The following CWF19L2 variants were observed in gnomAD, a reference collection of about 807,000 sequenced individuals.
CWF19L2 encodes the protein CWF19 like cell cycle control factor 2, also known as CWF19-like protein 2.
CWF19L2 carries 98 observed loss-of-function variants against 111.7 expected under a neutral mutation model. That is an observed-to-expected ratio of 0.88 (90% CI 0.75 to 1.04). The LOEUF (loss-of-function observed/expected upper bound fraction) is 1.04, where lower values mean the gene tolerates loss of function less well. CWF19L2 is among the 50% of genes least tolerant of loss of function. The pLI, the probability that CWF19L2 is intolerant of heterozygous loss-of-function variation, is 0.00. For missense variants in CWF19L2, 1,101 were observed against 1,051.4 expected, an observed-to-expected ratio of 1.05 and a Z score of -0.65; for synonymous variants, 351 against 342.9, an observed-to-expected ratio of 1.02 and a Z score of -0.26.
intron 12 of CWF19L2, among the ~76,000 whole-genome samples, chr11:107,357,860 G>C (rs999998690): frequency 6.6e-6 from 1 of 152,212 alleles, no homozygotes; most frequent in Admixed American, 6.5e-5. Context: ...GTAAAAGATA[G>C]TGGAGAATGT....
intron 10 of CWF19L2, 45 bp downstream of exon 10, chr11:107,416,164 T>C: frequency 2.1e-6 from 1 of 475,514 alleles, no homozygotes; most frequent in Non-Finnish European, 3.3e-6. Context: ...TGCCCGGTGG[T>C]AGTTTACACA....
chr11:107,454,915 A>C (rs1377166543), intron 2 of CWF19L2, among the ~76,000 whole-genome samples: 1 of 152,164 alleles, frequency 6.6e-6, no homozygotes, highest in Non-Finnish European at 1.5e-5. Flanking sequence ...ACACATACAT[A>C]TAATATCCCT....
intron 12 of CWF19L2, among the ~76,000 whole-genome samples, chr11:107,360,600 C>T (rs58902159): frequency 0.011 from 1,639 of 152,328 alleles, 29 homozygotes; most frequent in African/African-American, 0.038. Flanking sequence ...ACATTCCCCA[C>T]AACAGTGCAT....
At chr11:107,442,425 T>C (rs1419986276) in intron 4 of CWF19L2, among the ~76,000 whole-genome samples, 1 of 152,040 alleles carries the variant, frequency 6.6e-6, no homozygotes, top group African/African-American at 2.4e-5. Context: ...CTCACGTCTC[T>C]AATTCTAGCA....
chr11:107,449,360 T>C (rs1168361645), intron 3 of CWF19L2, among the ~76,000 whole-genome samples: 2 of 151,846 alleles, frequency 1.3e-5, no homozygotes, highest in African/African-American at 2.4e-5. Context: ...AAAAGGAAAA[T>C]GGTATTAGAC....
chr11:107,361,621 T>G (rs1470340394), intron 12 of CWF19L2, among the ~76,000 whole-genome samples: 1 of 152,248 alleles, frequency 6.6e-6, no homozygotes, highest in Non-Finnish European at 1.5e-5. Flanking sequence ...GGGATGTTTT[T>G]CCATTTATTT....
intron 11 of CWF19L2, among the ~76,000 whole-genome samples, chr11:107,391,056 T>G (rs58990068): frequency 0.017 from 2,656 of 152,266 alleles, 59 homozygotes; most frequent in African/African-American, 0.059. Flanking sequence ...CACCAGTGGT[T>G]TGCCAGGGAT....
chr11:107,333,008 C>G (rs987253235), intron 16 of CWF19L2, among the ~76,000 whole-genome samples: 2 of 151,632 alleles, frequency 1.3e-5, no homozygotes, highest in African/African-American at 2.4e-5. Flanking sequence ...TTCCCAGCTA[C>G]TCAAGAGGCA....
At chr11:107,347,030 A>AT (rs1271518314) in intron 14 of CWF19L2, among the ~76,000 whole-genome samples, 2 of 152,160 alleles carry the variant, frequency 1.3e-5, no homozygotes, top group African/African-American at 2.4e-5. Context: ...AACTTGGGAT[A>AT]TTTTTTAAAT....
At position 107,402,871 on chromosome 11, in the gene CWF19L2, G is replaced by GTATATATATATATATATATATATATATA. The variant is rs767099135; in HGVS notation, c.1618-9977_1618-9976insTATATATATATATATATATATATATATA. Among the ~76,000 whole-genome samples, 56 of 57,062 alleles carry GTATATATATATATATATATATATATATA rather than the reference G, an allele frequency of 9.8e-4. 8 individuals are homozygous for GTATATATATATATATATATATATATATA. The highest frequency in any genetic ancestry group is 1.3e-3 in the Admixed American group (6 of 4,460). The allele number at this position is 57,062 out of a possible 152,430, so 37.4% of individuals were successfully genotyped here. A position where few individuals can be genotyped will look rare whatever the true frequency, so the allele number is the denominator to read the frequency against. The stretch of plus-strand genomic sequence containing the variant: ...AACGAGTGGATAAACAAACTGTGGT[G>GTATATATATATATATATATATATATATA]TGTATATATATATATATATATATAT... On this transcript the variant is annotated intron_variant, in intron 10 of 17. Coordinates refer to ENST00000282251, the MANE Select transcript of CWF19L2 (RefSeq NM_152434.3).
chr11:107,409,405 A>G (rs561699650), intron 10 of CWF19L2, among the ~76,000 whole-genome samples: 90 of 152,254 alleles, frequency 5.9e-4, no homozygotes, highest in African/African-American at 2.1e-3. Flanking sequence ...AAAGGGACCA[A>G]AATGCATTTC....
At chr11:107,341,814 T>C (rs1474663973) in intron 14 of CWF19L2, among the ~76,000 whole-genome samples, 2 of 152,156 alleles carry the variant, frequency 1.3e-5, no homozygotes, top group Non-Finnish European at 2.9e-5. Flanking sequence ...GAGTGTGTTG[T>C]AACAGTTTGC....
At chr11:107,451,563 C>G (rs1010080345) in intron 3 of CWF19L2, among the ~76,000 whole-genome samples, 1 of 151,776 alleles carries the variant, frequency 6.6e-6, no homozygotes, top group Admixed American at 6.6e-5. Context: ...ACAGAGGAAA[C>G]AAACAGAAAA....
chr11:107,403,862 T>C, intron 10 of CWF19L2: 1 of 798,856 alleles, frequency 1.3e-6, no homozygotes, highest in South Asian at 1.4e-5. Context: ...TTCTAGGAAT[T>C]TCCTCTTCTC....
intron 10 of CWF19L2, among the ~76,000 whole-genome samples, chr11:107,410,542 A>C (rs1042779427): frequency 3.3e-5 from 5 of 152,184 alleles, no homozygotes; most frequent in African/African-American, 1.2e-4. Flanking sequence ...TACAGTTCCC[A>C]AAAGGGACTA....
At chr11:107,387,467 C>A (rs10890728) in intron 12 of CWF19L2, among the ~76,000 whole-genome samples, 88,067 of 127,962 alleles carry the variant, frequency 0.69, 27,902 homozygotes, top group African/African-American at 0.79. Flanking sequence ...CAAAACAAAA[C>A]AAAAAACAAA....
chr11:107,403,569 T>C (rs1861036942), intron 10 of CWF19L2: 1 of 790,672 alleles, frequency 1.3e-6, no homozygotes, highest in South Asian at 1.3e-5. Context: ...TCTTCACCAT[T>C]CTGTTGACTC....
At chr11:107,401,795 CA>C (rs1861003637) in intron 10 of CWF19L2, among the ~76,000 whole-genome samples, 1 of 152,112 alleles carries the variant, frequency 6.6e-6, no homozygotes, top group African/African-American at 2.4e-5. Flanking sequence ...AGAAAAAGAA[CA>C]AATCTGGAAG....
chr11:107,336,714 C>CT lies in CWF19L2; in HGVS notation c.2203-2dup. 7.3e-7 allele frequency: 1 copy of CT among 1,364,664 alleles called. No individual in the cohort carries two copies. The highest frequency in any genetic ancestry group is 9.7e-7 in the Non-Finnish European group (1 of 1,025,768). The allele number at this position is 1,364,664 out of a possible 1,614,324, so 84.5% of individuals were successfully genotyped here. On this transcript the variant is annotated splice_acceptor_variant, in intron 14 of 17. Transcript: ENST00000282251. LOFTEE classifies it high-confidence loss of function. ...TCTTTACCAATGATTTTCTGAACATCTAAAAAAAAAAAAGAACTAGGTAAA... is the reference window on the plus strand; with the variant it reads ...TCTTTACCAATGATTTTCTGAACATCTTAAAAAAAAAAAAGAACTAGGTAAA...
Sources: gnomAD v4.1 joint callset for allele counts (sites outside exome capture counted in the v4.1 genomes callset) on GRCh38, gnomAD v4.1.1 for gene constraint, MANE v1.5 for transcripts, NCBI Gene and HGNC (gene_info 2026-07-23, HGNC 2026-07-21) for gene names.